CWC22: variants seen among roughly 807,000 people sequenced by gnomAD.
CWC22 encodes the protein CWC22 spliceosome associated protein.
CWC22 carries 53 observed loss-of-function variants against 117.2 expected under a neutral mutation model. The observed-to-expected ratio is 0.45, with a 90% CI of 0.36 to 0.57. The LOEUF (loss-of-function observed/expected upper bound fraction) is 0.57. CWC22 is among the 20% of genes least tolerant of loss of function. The probability of loss-of-function intolerance (pLI) is 0.00; values close to 1 mark genes in which losing one functional copy is unlikely to be tolerated. For missense variants in CWC22, 980 were observed against 1,068.8 expected (o/e 0.92, Z 1.16); for synonymous variants, 360 against 355.6 (o/e 1.01, Z -0.14).
chr2:179,976,314 A>C (rs1439149772), intron 6 of CWC22, among the ~76,000 whole-genome samples: 2 of 152,218 alleles, frequency 1.3e-5, no homozygotes, highest in African/African-American at 4.8e-5. Context: ...AGTTTCTAAA[A>C]GAAAAATACA....
Position 179,973,715 on chromosome 2 carries a change from G to A in CWC22, c.669C>T (p.Asn223=), listed in dbSNP as rs746680480. The A allele has an allele frequency of 1.1e-5, 17 of 1,609,668 alleles. No individual in the cohort carries two copies. In the East Asian group the frequency reaches 3.6e-4, roughly 34 times the overall value. ...HVYAALVAII[N]SKFPQIGELI... Reference sequence around the variant, plus strand: ...ATTCTCCAATTTGTGGAAATTTTGAGTTGATAATTGCCACTAATGCTGCAT... The same window carrying A: ...ATTCTCCAATTTGTGGAAATTTTGAATTGATAATTGCCACTAATGCTGCAT... The change falls in exon 7 of 20, where the codon AAC becomes AAT. Residue 223 remains asparagine (N), a synonymous_variant. Coordinates refer to ENST00000410053, the MANE Select transcript of CWC22 (RefSeq NM_020943.3).
intron 5 of CWC22, among the ~76,000 whole-genome samples, chr2:179,980,625 C>T (rs1301139747): frequency 6.6e-6 from 1 of 151,848 alleles, no homozygotes. Flanking sequence ...ACTATATTGG[C>T]CAGGCTGGTC....
chr2:179,981,498 A>T (rs900678309), intron 5 of CWC22, among the ~76,000 whole-genome samples: 2 of 152,186 alleles, frequency 1.3e-5, no homozygotes, highest in Admixed American at 6.5e-5. Flanking sequence ...ATACTATAAA[A>T]AGGGTAAGCA....
intron 17 of CWC22, among the ~76,000 whole-genome samples, chr2:179,952,227 A>T (rs1321989957): frequency 1.3e-5 from 2 of 152,124 alleles, no homozygotes; most frequent in Non-Finnish European, 2.9e-5. Flanking sequence ...ATACAAAAAC[A>T]ATTCTGTATT....
At chr2:179,995,108 A>G (rs1269056845) in intron 1 of CWC22, among the ~76,000 whole-genome samples, 2 of 152,192 alleles carry the variant, frequency 1.3e-5, no homozygotes, top group East Asian at 3.8e-4. Flanking sequence ...ACAGAGTGAG[A>G]CTTCGTCTCA....
intron 14 of CWC22, among the ~76,000 whole-genome samples, chr2:179,955,793 T>G (rs564370855): frequency 1.3e-5 from 2 of 152,006 alleles, no homozygotes; most frequent in Non-Finnish European, 2.9e-5. Context: ...ACAAATTAGT[T>G]TCTTAATTAA....
intron 4 of CWC22, among the ~76,000 whole-genome samples, 152 bp downstream of exon 4, chr2:179,986,541 AGT>A (rs1419657775): frequency 6.6e-6 from 1 of 152,184 alleles, no homozygotes; most frequent in African/African-American, 2.4e-5. Context: ...TGCAATAAGA[AGT>A]TAATTCATAT....
At chr2:179,994,735 T>G (rs183179415) in intron 1 of CWC22, among the ~76,000 whole-genome samples, 129 of 152,358 alleles carry the variant, frequency 8.5e-4, no homozygotes, top group Non-Finnish European at 1.6e-3. Context: ...GTGTGTAACT[T>G]TACATAATAC....
intron 4 of CWC22, among the ~76,000 whole-genome samples, chr2:179,982,355 A>G (rs16867130): frequency 0.018 from 2,765 of 152,336 alleles, 93 homozygotes; most frequent in African/African-American, 0.063. Flanking sequence ...AAGATGAATT[A>G]GAGTTAGACT....
chr2:179,958,153 A>G (rs1366778925), intron 14 of CWC22, among the ~76,000 whole-genome samples: 2 of 151,996 alleles, frequency 1.3e-5, no homozygotes, highest in Non-Finnish European at 2.9e-5. Context: ...CAACATGGTG[A>G]AACACCATCG....
chr2:179,993,031 G>A (rs529732869), intron 2 of CWC22, among the ~76,000 whole-genome samples: 61 of 152,000 alleles, frequency 4.0e-4, no homozygotes, highest in Admixed American at 2.1e-3. Context: ...GCACACACAC[G>A]TACACACACT....
At chr2:179,990,500 A>T (rs1473315166) in intron 2 of CWC22, among the ~76,000 whole-genome samples, 1 of 151,736 alleles carries the variant, frequency 6.6e-6, no homozygotes, top group Non-Finnish European at 1.5e-5. Context: ...GATTAAACAC[A>T]TTAGATTATA....
intron 3 of CWC22, 51 bp from the exon 4 acceptor site, chr2:179,986,856 A>C (rs1205805551): frequency 2.0e-6 from 2 of 1,010,874 alleles, no homozygotes; most frequent in Non-Finnish European, 1.5e-6. Flanking sequence ...ACTATGTTAT[A>C]AATATTTAGG....
chr2:179,958,068 C>T (rs956475128), intron 14 of CWC22, among the ~76,000 whole-genome samples: 4 of 151,946 alleles, frequency 2.6e-5, no homozygotes, highest in East Asian at 3.9e-4. Context: ...TGGTGGCTCA[C>T]GCCTGTAATC....
intron 17 of CWC22, among the ~76,000 whole-genome samples, 182 bp downstream of exon 17, chr2:179,952,289 C>A (rs192859933): frequency 8.5e-4 from 130 of 152,066 alleles, no homozygotes; most frequent in Non-Finnish European, 1.5e-3. Context: ...AAACTAAAAA[C>A]CACCACTAAA....
At position 179,945,448 on chromosome 2, in the gene CWC22, T is replaced by C. The variant is rs754148643; in HGVS notation, c.2408A>G (p.Asp803Gly). 1 of 1,613,026 alleles carries C rather than the reference T, an allele frequency of 6.2e-7. No individual in the cohort carries two copies. The highest frequency in any genetic ancestry group is 8.5e-7 in the Non-Finnish European group (1 of 1,179,298). ...ERNNYSRVAN[D>G]RDQEMHIDLE... ...ATCTATATGCATTTCTTGGTCTCTG[T>C]CATTCGCAACTCTACTGTAGTTATT... The change falls in exon 20 of 20, where the codon GAC becomes GGC. Residue 803 changes from aspartate (D) to glycine (G), a missense_variant. By Grantham distance (94) the Asp-to-Gly change is moderately conservative. This residue lies in a region of CWC22 where 306 missense variants were observed against 296.8 expected (regional missense o/e 1.03). Transcript: ENST00000410053.
chr2:179,987,088 G>A (rs559378367), intron 3 of CWC22, among the ~76,000 whole-genome samples: 25 of 152,212 alleles, frequency 1.6e-4, no homozygotes, highest in African/African-American at 6.0e-4. Flanking sequence ...CATATATCTG[G>A]ATATCATATA....
chr2:179,964,989 CGT>C (rs1279084001), intron 12 of CWC22, among the ~76,000 whole-genome samples: 3 of 151,968 alleles, frequency 2.0e-5, no homozygotes, highest in Non-Finnish European at 4.4e-5. Context: ...ATAACTCATG[CGT>C]AAAAATTCAG....
chr2:179,945,994 T>C (rs1474091883), intron 19 of CWC22, among the ~76,000 whole-genome samples: 1 of 152,172 alleles, frequency 6.6e-6, no homozygotes, highest in African/African-American at 2.4e-5. Context: ...GTGATTCTCC[T>C]GCCTCAGCCT....
Sources: gnomAD v4.1 joint callset for allele counts (sites outside exome capture counted in the v4.1 genomes callset) on GRCh38, gnomAD v4.1.1 for gene constraint, gnomAD v4.1.1 regional missense constraint, MANE v1.5 for transcripts, NCBI Gene and HGNC (gene_info 2026-07-23, HGNC 2026-07-21) for gene names.